Variants in CD247 observed in about 807,000 individuals in gnomAD.
The protein encoded by CD247 is CD247 molecule.
CD247 carries 13 observed loss-of-function variants against 30.0 expected under a neutral mutation model. That is an observed-to-expected ratio of 0.43 (90% CI 0.28 to 0.69). The LOEUF (loss-of-function observed/expected upper bound fraction) is 0.69. CD247 is among the 30% of genes least tolerant of loss of function. The pLI, the probability that CD247 is intolerant of heterozygous loss-of-function variation, is 0.16. For synonymous variants in CD247, 72 were observed against 80.0 expected (o/e 0.90, Z 0.53); for missense variants, 193 against 212.6 (o/e 0.91, Z 0.57).
At chr1:167,471,890 T>C (rs1222901413) in intron 1 of CD247, among the ~76,000 whole-genome samples, 2 of 147,782 alleles carry the variant, frequency 1.4e-5, no homozygotes, top group African/African-American at 2.5e-5. Context: ...TGAAGTGCAG[T>C]AGTGCGATCT....
At chr1:167,436,447 A>G (rs1357943556) in intron 4 of CD247, among the ~76,000 whole-genome samples, 1 of 152,218 alleles carries the variant, frequency 6.6e-6, no homozygotes, top group East Asian at 1.9e-4. Flanking sequence ...CTTCTATTCA[A>G]TATAGTAACA....
rs1404060877 is a variant in CD247 at position 167,518,475 on chromosome 1, T to TC, written c.-11dup. 1.9e-6 allele frequency: 3 copies of TC among 1,613,846 alleles called. No individual in the cohort carries two copies. The highest frequency in any genetic ancestry group is 2.5e-6 in the Non-Finnish European group (3 of 1,179,930). ...GCGCCTTCCACTTCATCTTGTCCTT[T>TC]CCCTCAGAAAGAGGCTGGGAGGCAG... On this transcript the variant is annotated 5_prime_UTR_variant, in exon 1 of 8. Coordinates refer to ENST00000362089, the MANE Select transcript of CD247 (RefSeq NM_198053.3).
chr1:167,479,960 T>C (rs2102062309), intron 1 of CD247, among the ~76,000 whole-genome samples: 1 of 152,328 alleles, frequency 6.6e-6, no homozygotes, highest in South Asian at 2.1e-4. Flanking sequence ...TTTTGCCTCA[T>C]ATGCCCCAGA....
At chr1:167,459,064 G>T (rs996276229) in intron 1 of CD247, among the ~76,000 whole-genome samples, 7 of 151,746 alleles carry the variant, frequency 4.6e-5, no homozygotes, top group Admixed American at 3.3e-4. Flanking sequence ...GAAGCTGGGA[G>T]GGGGAGGTTG....
intron 1 of CD247, among the ~76,000 whole-genome samples, chr1:167,486,013 C>T (rs1018500765): frequency 1.3e-4 from 20 of 151,702 alleles, no homozygotes; most frequent in African/African-American, 4.8e-4. Flanking sequence ...CTTCCACGGC[C>T]CCCACTGCCA....
At chr1:167,485,966 G>A (rs755120285) in intron 1 of CD247, among the ~76,000 whole-genome samples, 1 of 151,986 alleles carries the variant, frequency 6.6e-6, no homozygotes, top group Non-Finnish European at 1.5e-5. Context: ...GGGAGGGGAG[G>A]GTTAAGAGTC....
chr1:167,479,694 C>A (rs991604266), intron 1 of CD247, among the ~76,000 whole-genome samples: 4 of 152,164 alleles, frequency 2.6e-5, no homozygotes, highest in African/African-American at 9.7e-5. Context: ...CCAGCCAGGT[C>A]CACACCTTTG....
chr1:167,447,907 G>A (rs1652162784), intron 1 of CD247, among the ~76,000 whole-genome samples: 1 of 134,646 alleles, frequency 7.4e-6, no homozygotes. Context: ...ACATTGCAGG[G>A]TAAAAACTTA....
intron 1 of CD247, chr1:167,458,581 T>A (rs1348918088): frequency 6.6e-6 from 1 of 152,214 alleles, no homozygotes; most frequent in Non-Finnish European, 1.5e-5. Flanking sequence ...CTTTTACTCA[T>A]CTTTCAAGGC....
intron 5 of CD247, 89 bp from the exon 6 acceptor site, chr1:167,434,165 A>C: frequency 8.4e-7 from 1 of 1,187,038 alleles, no homozygotes; most frequent in Non-Finnish European, 1.3e-6. Context: ...TTGATCCCCA[A>C]GTTGGCAGCA....
intron 1 of CD247, among the ~76,000 whole-genome samples, chr1:167,503,050 G>T (rs1380503983): frequency 6.6e-6 from 1 of 152,184 alleles, no homozygotes; most frequent in African/African-American, 2.4e-5. Context: ...GCAGGTGAAG[G>T]AAGGAATCAT....
At position 167,442,537 on chromosome 1, in the gene CD247, G is replaced by A. The variant is rs1377290576; in HGVS notation, c.59-1770C>T. Among the ~76,000 whole-genome samples, 5 of 152,122 alleles carry A rather than the reference G, an allele frequency of 3.3e-5. No homozygotes were observed. In the East Asian group the frequency reaches 5.8e-4, roughly 18 times the overall value. ...TCAGATCCTCCTGCCACCCACACTC[G>A]GACACTGAGGCACCGAGTATTCGGG... On this transcript the variant is annotated intron_variant, in intron 1 of 7. Transcript: ENST00000362089.
intron 1 of CD247, among the ~76,000 whole-genome samples, chr1:167,472,458 C>A (rs1159276545): frequency 6.6e-6 from 1 of 152,194 alleles, no homozygotes; most frequent in Non-Finnish European, 1.5e-5. Context: ...CACTCACACA[C>A]AGTGTGTGCA....
chr1:167,437,060 C>T (rs9287081), intron 4 of CD247, among the ~76,000 whole-genome samples: 25,542 of 152,044 alleles, frequency 0.17, 3,015 homozygotes, highest in African/African-American at 0.33. Flanking sequence ...ACAATAACCA[C>T]GGCTGGGCGC....
At chr1:167,448,152 T>C (rs1652182051) in intron 1 of CD247, among the ~76,000 whole-genome samples, 4 of 152,176 alleles carry the variant, frequency 2.6e-5, no homozygotes, top group Non-Finnish European at 5.9e-5. Context: ...TAACCACTGG[T>C]TGAAGATTTG....
At chr1:167,482,697 A>G (rs890417491) in intron 1 of CD247, among the ~76,000 whole-genome samples, 1 of 152,190 alleles carries the variant, frequency 6.6e-6, no homozygotes, top group Non-Finnish European at 1.5e-5. Flanking sequence ...GAGTGACCTT[A>G]AGGAATCCTT....
intron 1 of CD247, among the ~76,000 whole-genome samples, chr1:167,502,868 A>T (rs1371915418): frequency 6.6e-6 from 1 of 152,168 alleles, no homozygotes; most frequent in South Asian, 2.1e-4. Context: ...GGCTTGGGAC[A>T]GATTCTCCTG....
intron 1 of CD247, among the ~76,000 whole-genome samples, chr1:167,505,267 T>G (rs959863429): frequency 1.3e-5 from 2 of 151,984 alleles, no homozygotes; most frequent in African/African-American, 2.4e-5. Context: ...AGTAGCTTTT[T>G]TTGTTGTTGT....
intron 1 of CD247, among the ~76,000 whole-genome samples, chr1:167,500,971 T>G (rs1410574230): frequency 6.6e-6 from 1 of 151,950 alleles, no homozygotes; most frequent in Non-Finnish European, 1.5e-5. Flanking sequence ...CAGACTCATT[T>G]TCAAACAGAG....
Sources: gnomAD v4.1 joint callset for allele counts (sites outside exome capture counted in the v4.1 genomes callset) on GRCh38, gnomAD v4.1.1 for gene constraint, MANE v1.5 for transcripts, NCBI Gene and HGNC (gene_info 2026-07-23, HGNC 2026-07-21) for gene names.